Variants in NOS2 observed in about 807,000 individuals in gnomAD.
NOS2 encodes the protein nitric oxide synthase 2.
In NOS2, 96 loss-of-function variants were observed where a neutral mutation model predicts 136.0. The observed-to-expected ratio is 0.71, with a 90% CI of 0.60 to 0.84. NOS2 has a LOEUF of 0.84. NOS2 is among the 40% of genes least tolerant of loss of function. The pLI is 0.00. For synonymous variants in NOS2, 539 were observed against 587.5 expected (o/e 0.92, Z 1.20); for missense variants, 1,237 against 1,496.9 (o/e 0.83, Z 2.87).
In NOS2 at chr17:27,788,943, A is replaced by G. The variant is rs772436547; in HGVS notation, c.196-12T>C. 4 of 1,612,850 alleles carry G rather than the reference A, an allele frequency of 2.5e-6. No individual in the cohort carries two copies. The East Asian group carries it at 6.7e-5, about 27-fold the overall frequency. ...GATTCTGGAGACTTCTGCAAGGGGA[A>G]AAAACAGGGTTTTCTCTCAGGTCTC... is the stretch of plus-strand genomic sequence containing the variant. On this transcript the variant is annotated splice_polypyrimidine_tract_variant and intron_variant, in intron 3 of 26. Coordinates refer to ENST00000313735, the MANE Select transcript of NOS2 (RefSeq NM_000625.4).
intron 22 of NOS2, among the ~76,000 whole-genome samples, chr17:27,762,175 T>C (rs1908153684): frequency 6.6e-6 from 1 of 152,082 alleles, no homozygotes; most frequent in African/African-American, 2.4e-5. Context: ...GACCCTGACC[T>C]TTCCTTCTTG....
rs1332845098 is a variant in NOS2 at position 27,780,401 on chromosome 17, C to T, written c.1004+366G>A. On this transcript the variant is annotated intron_variant, in intron 9 of 26. Coordinates refer to ENST00000313735, the MANE Select transcript of NOS2 (RefSeq NM_000625.4). ...AAGTCACTGCAGCCCTATATGATCC[C>T]GACAGGAGAGGGACAGCTAAGAGCA... Among the ~76,000 whole-genome samples the T allele has an allele frequency of 1.3e-5, 2 of 152,184 alleles. 1 individual carries two copies. Among genetic ancestry groups the T allele is most frequent in the African/African-American group, 4.8e-5 (2 of 41,440 alleles).
chr17:27,781,963 A>G, intron 7 of NOS2, 52 bp downstream of exon 7: 1 of 1,519,594 alleles, frequency 6.6e-7, no homozygotes, highest in African/African-American at 1.4e-5. Flanking sequence ...CTTTTGGCTA[A>G]GATTCTCAGG....
chr17:27,778,588 G>T, intron 11 of NOS2, 102 bp downstream of exon 11: 1 of 916,548 alleles, frequency 1.1e-6, no homozygotes, highest in Non-Finnish European at 1.8e-6. Flanking sequence ...GACCTCTAGA[G>T]TGAGCAAGGG....
intron 2 of NOS2, among the ~76,000 whole-genome samples, chr17:27,797,002 G>A (rs1186418734): frequency 1.3e-5 from 2 of 152,124 alleles, no homozygotes; most frequent in Non-Finnish European, 2.9e-5. Flanking sequence ...TACTGCCAGG[G>A]AGAGCGAGTC....
At position 27,780,836 on chromosome 17, in the gene NOS2, T is replaced by G; in HGVS notation, c.935A>C (p.Asn312Thr). The change falls in exon 9 of 27, where the codon AAT (asparagine) becomes ACT (threonine). Residue 312 changes from asparagine (N) to threonine (T), a missense_variant. Asn to Thr is a moderately conservative substitution (Grantham distance 65). Transcript: ENST00000313735. Reference protein sequence around the residue: ...FDVVPLVLQANGRDPELFEIP... With the variant: ...FDVVPLVLQATGRDPELFEIP... Reference sequence around the variant, plus strand: ...TTCGAAGAGCTCAGGGTCACGGCCATTGGCCTGCAGGACCAGGGGGACCAC... The same window carrying G: ...TTCGAAGAGCTCAGGGTCACGGCCAGTGGCCTGCAGGACCAGGGGGACCAC... The G allele has an allele frequency of 6.2e-7, 1 of 1,614,188 alleles. No homozygotes were observed. The highest frequency in any genetic ancestry group is 8.5e-7 in the Non-Finnish European group (1 of 1,180,018).
At chr17:27,777,564 A>G (rs1789114514) in intron 11 of NOS2, among the ~76,000 whole-genome samples, 1 of 152,224 alleles carries the variant, frequency 6.6e-6, no homozygotes, top group African/African-American at 2.4e-5. Context: ...ACGTCAGACA[A>G]GGACTGAAGA....
rs1225806446 is a variant in NOS2, at chr17:27,766,573, T to A, written c.2183A>T (p.His728Leu). 1 of 1,614,016 alleles carries A rather than the reference T, an allele frequency of 6.2e-7. No homozygotes were observed. The highest frequency in any genetic ancestry group is 8.5e-7 in the Non-Finnish European group (1 of 1,179,992). ...LDLSKALSSM[H>L]AKNVFTMRLK... ...CCTCATGGTGAACACGTTCTTGGCA[T>A]GCATGCTGCTGAGGGCTGTGGAGGA... The change falls in exon 19 of 27, where the codon CAT becomes CTT. Residue 728 changes from histidine to leucine, a missense_variant. By Grantham distance (99) the His-to-Leu change is moderately conservative. Around this residue, in one of 3 missense-constraint regions of NOS2, gnomAD observed 782 missense variants for 909.9 expected, o/e 0.86. Coordinates refer to ENST00000313735, the MANE Select transcript of NOS2 (RefSeq NM_000625.4).
Position 27,773,204 on chromosome 17 carries a change from G to A in NOS2, c.1516C>T (p.Arg506Trp), listed in dbSNP as rs146104261. 6.1e-5 allele frequency: 98 copies of A among 1,614,044 alleles called. No homozygotes were observed. The highest frequency in any genetic ancestry group is 6.7e-5 in the Admixed American group (4 of 59,988). Residue 506 changes from arginine (R) to tryptophan (W), a missense_variant, in exon 13 of 27, where the codon CGG becomes TGG. Arg to Trp is a moderately radical substitution (Grantham distance 101). This residue lies in a region of NOS2 where 782 missense variants were observed against 909.9 expected (regional missense o/e 0.86). Transcript: ENST00000313735. ...WKTHVWQDEK[R>W]RPKRREIPLK... is the part of the protein sequence containing the mutation. ...GGAATCTCTCTTCTCTTGGGTCTCCGCTTCTCGTCCTGCCAGACATGGGTT... is the reference window on the plus strand; with the variant it reads ...GGAATCTCTCTTCTCTTGGGTCTCCACTTCTCGTCCTGCCAGACATGGGTT...
At position 27,758,911 on chromosome 17, in the gene NOS2, C is replaced by T. The variant is rs140381074; in HGVS notation, c.3324G>A (p.Glu1108=). The change falls in exon 26 of 27, where the codon GAG becomes GAA. Residue 1108 remains glutamate, a synonymous_variant. Coordinates refer to ENST00000313735, the MANE Select transcript of NOS2 (RefSeq NM_000625.4). ...GCTGAAAGAAATAGTCCTCGACCTGCTCCTCATTCAATTTCAGCTTGGCAG... is the reference window on the plus strand; with the variant it reads ...GCTGAAAGAAATAGTCCTCGACCTGTTCCTCATTCAATTTCAGCTTGGCAG... ...LVAAKLKLNE[E]QVEDYFFQLK... is the part of the protein sequence containing the mutation. The T allele has an allele frequency of 1.9e-6, 3 of 1,609,012 alleles. No individual in the cohort carries two copies. Among genetic ancestry groups the T allele is most frequent in the East Asian group, 2.2e-5 (1 of 44,574 alleles).
At position 27,778,936 on chromosome 17, in the gene NOS2, G is replaced by T. The variant is rs1446577490; in HGVS notation, c.1125C>A (p.Gly375=). The change falls in exon 10 of 27, where the codon GGC becomes GGA. Residue 375 remains glycine, a synonymous_variant. Coordinates refer to ENST00000313735, the MANE Select transcript of NOS2 (RefSeq NM_000625.4). ...AGAAGTCCCGGACTCCGATCTCTGT[G>T]CCCATGTACCAGCCATTGAAGGGGC... ...PGCPFNGWYM[G]TEIGVRDFCD... 2.5e-6 allele frequency: 4 copies of T among 1,612,196 alleles called. No individual in the cohort carries two copies. The African/African-American group carries it at 5.3e-5, about 22-fold the overall frequency.
At chr17:27,776,028 T>C (rs184949447) in intron 11 of NOS2, among the ~76,000 whole-genome samples, 1 of 152,060 alleles carries the variant, frequency 6.6e-6, no homozygotes, top group South Asian at 2.1e-4. Flanking sequence ...GAAACTCTGA[T>C]GGAGGCAGGC....
In NOS2 at chr17:27,760,603, T is replaced by C. The variant is rs1222350202; in HGVS notation, c.3010+20A>G. On this transcript the variant is annotated intron_variant, in intron 24 of 26. Transcript: ENST00000313735. The stretch of plus-strand genomic sequence containing the variant: ...CTGGCCCCCTGGTGCCCCTCCCACC[T>C]GGGAAGCCTCCAGCCTTACCCTTGT... The C allele has an allele frequency of 6.4e-7, 1 of 1,552,100 alleles. No individual in the cohort carries two copies. The highest frequency in any genetic ancestry group is 8.7e-7 in the Non-Finnish European group (1 of 1,147,462).
At chr17:27,786,264 T>TA (rs67088217) in intron 5 of NOS2, among the ~76,000 whole-genome samples, 14 of 143,308 alleles carry the variant, frequency 9.8e-5, no homozygotes, top group South Asian at 4.5e-4. Flanking sequence ...CAACTAAAAA[T>TA]AAAAAAAAAA....
At chr17:27,762,179 C>T (rs562048217) in intron 22 of NOS2, among the ~76,000 whole-genome samples, 28 of 152,198 alleles carry the variant, frequency 1.8e-4, no homozygotes, top group African/African-American at 6.3e-4. Flanking sequence ...CTGACCTTTC[C>T]TTCTTGGCTT....
At chr17:27,767,043 G>C (rs1908327809) in intron 18 of NOS2, among the ~76,000 whole-genome samples, 1 of 149,108 alleles carries the variant, frequency 6.7e-6, no homozygotes, top group Non-Finnish European at 1.5e-5. Context: ...ATCTGATACA[G>C]GGCAGCTTCT....
chr17:27,789,863 C>T (rs1909138971), intron 2 of NOS2, among the ~76,000 whole-genome samples, 175 bp from the exon 3 acceptor site: 1 of 152,180 alleles, frequency 6.6e-6, no homozygotes, highest in African/African-American at 2.4e-5. Flanking sequence ...TTCCCTCTTC[C>T]TCTTATCTTC....
At chr17:27,778,839 C>A (rs1361918933) in intron 10 of NOS2, 43 bp downstream of exon 10, 2 of 1,612,838 alleles carry the variant, frequency 1.2e-6, no homozygotes, top group Non-Finnish European at 1.7e-6. Flanking sequence ...AAGCCACCCC[C>A]AGGCCCACAC....
intron 2 of NOS2, among the ~76,000 whole-genome samples, chr17:27,797,053 T>C (rs1367170068): frequency 6.6e-6 from 1 of 152,204 alleles, no homozygotes; most frequent in African/African-American, 2.4e-5. Flanking sequence ...TGCTCTGGCC[T>C]GGCTTTGCCT....
Sources: gnomAD v4.1 joint callset for allele counts (sites outside exome capture counted in the v4.1 genomes callset) on GRCh38, gnomAD v4.1.1 for gene constraint, gnomAD v4.1.1 regional missense constraint, MANE v1.5 for transcripts, NCBI Gene and HGNC (gene_info 2026-07-23, HGNC 2026-07-21) for gene names.